Variants in L3MBTL3 observed in about 807,000 individuals in gnomAD.
L3MBTL3 encodes L3MBTL histone methyl-lysine binding protein 3.
Under a neutral mutation model 102.3 loss-of-function variants are expected in L3MBTL3, and 27 were observed. The observed-to-expected ratio is 0.26, with a 90% CI of 0.19 to 0.36. L3MBTL3 has a LOEUF of 0.36. Ranked by LOEUF, L3MBTL3 falls within the 10% of genes least tolerant of loss-of-function variation. L3MBTL3 has a pLI of 1.00. For synonymous variants in L3MBTL3, 340 were observed against 320.9 expected (o/e 1.06, Z -0.64); for missense variants, 798 against 955.3 (o/e 0.84, Z 2.17).
intron 14 of L3MBTL3, 48 bp downstream of exon 14, chr6:130,078,682 T>C (rs762423110): frequency 3.1e-6 from 4 of 1,278,586 alleles, no homozygotes; most frequent in Non-Finnish European, 4.5e-6. Context: ...ACTTCAAGAG[T>C]AGGCAGACTT....
At chr6:130,052,765 A>G in intron 6 of L3MBTL3, 94 bp from the exon 7 acceptor site, 2 of 1,362,514 alleles carry the variant, frequency 1.5e-6, no homozygotes, top group East Asian at 5.2e-5. Flanking sequence ...TTGCAGGGTG[A>G]TTTTTTTTTA....
At chr6:130,082,525 A>G (rs908568616) in intron 14 of L3MBTL3, among the ~76,000 whole-genome samples, 26 of 152,136 alleles carry the variant, frequency 1.7e-4, no homozygotes, top group African/African-American at 6.0e-4. Flanking sequence ...TCAGATAGTA[A>G]CCAGTTATAG....
rs774452143 is a variant in L3MBTL3 at position 130,133,392 on chromosome 6, G to A, written c.1967-60G>A. The A allele has an allele frequency of 4.5e-6, 7 of 1,545,820 alleles. No homozygotes were observed. The highest frequency in any genetic ancestry group is 2.3e-5 in the East Asian group (1 of 44,354). On this transcript the variant is annotated intron_variant, in intron 20 of 22. Coordinates refer to ENST00000361794, the MANE Select transcript of L3MBTL3 (RefSeq NM_032438.4). This position sits in a 1 kb window ranked among gnomAD's most constrained non-coding sequence, Gnocchi z 4.9. ...AGTCTCGTTATCTGGGAGATGCACG[G>A]CATTTGGGGCTTTCTTGCTGCTTTC...
chr6:130,109,134 C>G (rs1785188919), intron 19 of L3MBTL3, among the ~76,000 whole-genome samples: 1 of 152,138 alleles, frequency 6.6e-6, no homozygotes, highest in Non-Finnish European at 1.5e-5. Context: ...GGTTCCAAGT[C>G]TTTGCTATTG....
intron 2 of L3MBTL3, among the ~76,000 whole-genome samples, chr6:130,035,037 A>G (rs1046757784): frequency 5.9e-5 from 9 of 152,232 alleles, no homozygotes; most frequent in African/African-American, 2.2e-4. Context: ...CGTGACGTCT[A>G]TGCTGTAGCT....
chr6:130,063,642 A>G (rs1299418429), intron 10 of L3MBTL3, among the ~76,000 whole-genome samples: 5 of 152,118 alleles, frequency 3.3e-5, no homozygotes, highest in Non-Finnish European at 7.3e-5. Context: ...TCGTTCATTC[A>G]TTAAAAATTG....
chr6:130,047,283 A>T (rs923128405), intron 3 of L3MBTL3, among the ~76,000 whole-genome samples: 1 of 152,200 alleles, frequency 6.6e-6, no homozygotes, highest in African/African-American at 2.4e-5. Context: ...TTGCATCTTT[A>T]CTTTGTACTT....
chr6:130,127,604 T>A (rs894574719), intron 20 of L3MBTL3, among the ~76,000 whole-genome samples: 1 of 152,138 alleles, frequency 6.6e-6, no homozygotes, highest in South Asian at 2.1e-4. Context: ...TTAAAAAACA[T>A]CCTTGTTTGC....
In L3MBTL3 at chr6:130,141,268, CA is replaced by C. The variant is rs1283382279; in HGVS notation, c.*1517del. ...TAGCAGTCCTTTGCATTTGCCAATT[CA>C]AGGTAAAACAGGGTCAGTGACATCT... On this transcript the variant is annotated 3_prime_UTR_variant, in exon 23 of 23. Coordinates refer to ENST00000361794, the MANE Select transcript of L3MBTL3 (RefSeq NM_032438.4). 1 of 152,184 alleles carries C rather than the reference CA, an allele frequency of 6.6e-6. No individual in the cohort carries two copies. Among genetic ancestry groups the C allele is most frequent in the Non-Finnish European group, 1.5e-5 (1 of 68,036 alleles). 9.4% of individuals were successfully genotyped at this position (152,184 alleles called of 1,614,324 possible).
At position 130,140,290 on chromosome 6, in the gene L3MBTL3, T is replaced by C. The variant is rs879019246; in HGVS notation, c.*537T>C. On this transcript the variant is annotated 3_prime_UTR_variant, in exon 23 of 23. Transcript: ENST00000361794. ...ATGCTAAGTATAACTTTGCAAGTCA[T>C]GATATTGCCTAACTGCTTGTCATAA... is the stretch of plus-strand genomic sequence containing the variant. The C allele has an allele frequency of 2.0e-5, 3 of 152,964 alleles. No individual in the cohort carries two copies. The South Asian group carries it at 6.2e-4, about 32-fold the overall frequency. The allele number at this position is 152,964 out of a possible 1,614,324, so 9.5% of individuals were successfully genotyped here. A position where few individuals can be genotyped will look rare whatever the true frequency, so the allele number is the denominator to read the frequency against.
chr6:130,090,605 T>C (rs1471847291), intron 16 of L3MBTL3, among the ~76,000 whole-genome samples: 2 of 152,182 alleles, frequency 1.3e-5, no homozygotes, highest in Non-Finnish European at 2.9e-5. Flanking sequence ...CTTTTCTTTT[T>C]CTTTTTTTGA....
chr6:130,120,256 T>G (rs1328306109), intron 19 of L3MBTL3, among the ~76,000 whole-genome samples: 2 of 152,206 alleles, frequency 1.3e-5, no homozygotes, highest in African/African-American at 2.4e-5. Context: ...AAACCCGTTT[T>G]TGCCCTTGAC....
At position 130,032,565 on chromosome 6, in the gene L3MBTL3, A is replaced by C. The variant is rs546688208; in HGVS notation, c.-15-10120A>C. 9.2e-5 allele frequency among the ~76,000 whole-genome samples: 14 copies of C among 152,314 alleles called. No individual in the cohort carries two copies. In the South Asian group the frequency reaches 2.9e-3, roughly 32 times the overall value. ...ATAACAAGAAGCTAACATTTTATTG[A>C]CTGGTTTACTATCTGGTAAGTACTA... On this transcript the variant is annotated intron_variant, in intron 2 of 22. Coordinates refer to ENST00000361794, the MANE Select transcript of L3MBTL3 (RefSeq NM_032438.4).
At position 130,104,472 on chromosome 6, in the gene L3MBTL3, A is replaced by G. The variant is rs766898417; in HGVS notation, c.1783A>G (p.Ile595Val). The change falls in exon 19 of 23, where the codon ATT (isoleucine) becomes GTT (valine). Residue 595 changes from isoleucine (I) to valine (V), a missense_variant. By Grantham distance (29) the Ile-to-Val change is conservative. Coordinates refer to ENST00000361794, the MANE Select transcript of L3MBTL3 (RefSeq NM_032438.4). ...YSEINLNKDR[I>V]FPDRLSGEMP... ...AGAAATCAATTTGAATAAAGACCGT[A>G]TTTTTCCAGACCGCTTAAGTGGTGA... The G allele has an allele frequency of 1.3e-5, 20 of 1,599,652 alleles. No individual in the cohort carries two copies. In the East Asian group the frequency reaches 3.4e-4, roughly 27 times the overall value.
At chr6:130,057,192 C>G (rs539840509) in intron 8 of L3MBTL3, among the ~76,000 whole-genome samples, 3 of 152,202 alleles carry the variant, frequency 2.0e-5, no homozygotes, top group Non-Finnish European at 4.4e-5. Flanking sequence ...ACTTCCACTT[C>G]CATCTTCTAC....
At chr6:130,091,055 G>T (rs1784009967) in intron 16 of L3MBTL3, among the ~76,000 whole-genome samples, 1 of 152,086 alleles carries the variant, frequency 6.6e-6, no homozygotes, top group East Asian at 1.9e-4. Flanking sequence ...TGTTGCAAAT[G>T]TATTTTGGGG....
Position 130,133,915 on chromosome 6 carries a change from C to A in L3MBTL3, c.2199+10C>A. On this transcript the variant is annotated intron_variant, in intron 22 of 22. Coordinates refer to ENST00000361794, the MANE Select transcript of L3MBTL3 (RefSeq NM_032438.4). The surrounding 1 kb of genome is among the most constrained non-coding windows in gnomAD (Gnocchi z 4.9). The stretch of plus-strand genomic sequence containing the variant: ...GGTATTTAAAGATGAAGTAAGTATT[C>A]CACTAAATTGCAATATGTTACTTAA... 6.3e-7 allele frequency: 1 copy of A among 1,597,832 alleles called. No homozygotes were observed. The highest frequency in any genetic ancestry group is 1.1e-5 in the South Asian group (1 of 90,676).
chr6:130,041,573 T>C (rs1049868121), intron 2 of L3MBTL3, among the ~76,000 whole-genome samples: 1 of 152,230 alleles, frequency 6.6e-6, no homozygotes, highest in African/African-American at 2.4e-5. Context: ...TTGCTTTGAA[T>C]GTCATTATGA....
intron 19 of L3MBTL3, among the ~76,000 whole-genome samples, chr6:130,106,644 T>C (rs1784993833): frequency 6.6e-6 from 1 of 152,110 alleles, no homozygotes; most frequent in Non-Finnish European, 1.5e-5. Flanking sequence ...TGGTAGGAAG[T>C]TTGATTACCA....
Sources: gnomAD v4.1 joint callset for allele counts (sites outside exome capture counted in the v4.1 genomes callset) on GRCh38, gnomAD v4.1.1 for gene constraint, Gnocchi (gnomAD v3.1) non-coding constraint, MANE v1.5 for transcripts, NCBI Gene and HGNC (gene_info 2026-07-23, HGNC 2026-07-21) for gene names.